The following FAM120C variants were observed in gnomAD, a reference collection of about 807,000 sequenced individuals.
FAM120C encodes the protein family with sequence similarity 120 member C.
A neutral mutation model predicts 71.2 loss-of-function variants in FAM120C; 14 were observed. The ratio of observed to expected loss-of-function variants is 0.20; its 90% confidence interval spans 0.13 to 0.31. The LOEUF (loss-of-function observed/expected upper bound fraction) is 0.31. FAM120C is among the 10% of genes least tolerant of loss of function. FAM120C has a pLI of 1.00. For synonymous variants in FAM120C, 354 were observed against 353.2 expected, an observed-to-expected ratio of 1.00 and a Z score of -0.03; for missense variants, 500 against 879.0, an observed-to-expected ratio of 0.57 and a Z score of 5.45.
intron 13 of FAM120C, among the ~76,000 whole-genome samples, chrX:54,085,132 C>T (rs782288609): frequency 5.4e-5 from 6 of 111,918 alleles, no homozygotes; most frequent in Non-Finnish European, 1.1e-4. Context: ...ATATGACTTA[C>T]GGTTCTCTAA....
At chrX:54,113,254 G>T (rs1406683149) in intron 10 of FAM120C, among the ~76,000 whole-genome samples, 1 of 109,501 alleles carries the variant, frequency 9.1e-6, no homozygotes, top group Admixed American at 9.9e-5. Flanking sequence ...CTGAGGTCAG[G>T]AGTTCAAGAC....
chrX:54,152,240 AATTATT>A (rs1193479518), intron 3 of FAM120C, among the ~76,000 whole-genome samples: 1 of 110,660 alleles, frequency 9.0e-6, no homozygotes, highest in African/African-American at 3.3e-5. Flanking sequence ...TGTTGTCTAT[AATTATT>A]ATTATTTGTT....
chrX:54,107,025 TC>T (rs782246401), intron 10 of FAM120C, among the ~76,000 whole-genome samples: 13 of 111,694 alleles, frequency 1.2e-4, no homozygotes, highest in Non-Finnish European at 1.9e-4. Flanking sequence ...GTTTTTATGT[TC>T]CTGGATCTAG....
chrX:54,079,409 C>T (rs782230812), intron 15 of FAM120C, among the ~76,000 whole-genome samples: 1 of 110,635 alleles, frequency 9.0e-6, no homozygotes, highest in South Asian at 3.8e-4. Context: ...CACTGCACTC[C>T]AGCCTGCCTG....
At chrX:54,181,672 A>G (rs1382941874) in intron 1 of FAM120C, among the ~76,000 whole-genome samples, 2 of 112,062 alleles carry the variant, frequency 1.8e-5, no homozygotes, top group African/African-American at 6.5e-5. Context: ...TTGAAGACCC[A>G]GGTGAGGTCC....
intron 9 of FAM120C, among the ~76,000 whole-genome samples, chrX:54,118,387 G>C (rs1371854060): frequency 9.0e-6 from 1 of 111,057 alleles, no homozygotes; most frequent in African/African-American, 3.3e-5. Context: ...TATCTGGGTT[G>C]CTTCCAGTTT....
intron 1 of FAM120C, among the ~76,000 whole-genome samples, chrX:54,163,394 T>C (rs945858706): frequency 3.6e-5 from 4 of 112,334 alleles, no homozygotes; most frequent in Admixed American, 9.5e-5. Context: ...GAAAACAGAA[T>C]GCTAATGTGA....
At chrX:54,130,974 G>A (rs1390297589) in intron 9 of FAM120C, among the ~76,000 whole-genome samples, 4 of 111,193 alleles carry the variant, frequency 3.6e-5, no homozygotes, top group South Asian at 3.8e-4. Flanking sequence ...GCACCACTGC[G>A]TCATTCCTTG....
At chrX:54,141,440 A>G in intron 4 of FAM120C, among the ~76,000 whole-genome samples, 1 of 111,242 alleles carries the variant, frequency 9.0e-6, no homozygotes, top group Non-Finnish European at 1.9e-5. Flanking sequence ...GCAATTGCCA[A>G]AATACAAACA....
intron 9 of FAM120C, among the ~76,000 whole-genome samples, chrX:54,117,825 C>T (rs1475990571): frequency 8.9e-6 from 1 of 111,825 alleles, no homozygotes; most frequent in African/African-American, 3.2e-5. Flanking sequence ...GAAAGAAGCA[C>T]AAGGAAGAAT....
rs918466019 is a variant in FAM120C, at chrX:54,132,629, C to G, written c.2062+63G>C. ...CCATAGCCAAAGGTACCCAATGTGC[C>G]TGGACAGACATATCTGCTGTGTCAA... On this transcript the variant is annotated intron_variant, in intron 9 of 15. Transcript: ENST00000375180. 11 of 994,962 alleles carry G rather than the reference C, an allele frequency of 1.1e-5. No individual in the cohort carries two copies. In the South Asian group the frequency reaches 2.7e-4, roughly 24 times the overall value. 82.0% of individuals were successfully genotyped at this position (994,962 alleles called of 1,213,427 possible). A position where few individuals can be genotyped will look rare whatever the true frequency, so the allele number is the denominator to read the frequency against.
At chrX:54,118,691 CTTTTTTTCTTTTTTTTTTTTTT>C (rs1395447149) in intron 9 of FAM120C, among the ~76,000 whole-genome samples, 3 of 34,638 alleles carry the variant, frequency 8.7e-5, no homozygotes, top group Admixed American at 3.2e-4. Context: ...TTGTATTTTT[CTTTTTTTCTTTTTTTTTTTTTT>C]TTTTTTTTTT....
chrX:54,168,066 T>C (rs1557135436), intron 1 of FAM120C, among the ~76,000 whole-genome samples: 2 of 111,394 alleles, frequency 1.8e-5, no homozygotes, highest in African/African-American at 6.5e-5. Flanking sequence ...GCTTGCAAAC[T>C]GTGCTTCCCC....
chrX:54,169,214 C>T (rs782204654), intron 1 of FAM120C, among the ~76,000 whole-genome samples: 92 of 111,206 alleles, frequency 8.3e-4, no homozygotes, highest in African/African-American at 2.7e-3. Context: ...GGGAAGATCG[C>T]TTGAGCCCAG....
chrX:54,078,316 G>A (rs999326919), intron 15 of FAM120C, among the ~76,000 whole-genome samples: 19 of 110,717 alleles, frequency 1.7e-4, no homozygotes, highest in Non-Finnish European at 9.4e-5. Flanking sequence ...CCTGAATCGC[G>A]GTGAATTCAC....
chrX:54,156,099 A>T (rs1437847466), intron 3 of FAM120C, among the ~76,000 whole-genome samples: 1 of 110,164 alleles, frequency 9.1e-6, no homozygotes, highest in African/African-American at 3.3e-5. Flanking sequence ...GTAAGAACTC[A>T]TCGAAGTTTT....
At chrX:54,159,776 T>C (rs1557134175) in intron 1 of FAM120C, among the ~76,000 whole-genome samples, 160 bp from the exon 2 acceptor site, 1 of 106,972 alleles carries the variant, frequency 9.3e-6, no homozygotes, top group Non-Finnish European at 1.9e-5. Flanking sequence ...TTTTTTTTTT[T>C]TTTTTAAATA....
chrX:54,097,970 C>T lies in FAM120C; in HGVS notation c.2313-6544G>A, dbSNP rs1468820940. Reference sequence around the variant, plus strand: ...CTCGATCTCCTGGCCTCGTGATCCGCCCGCCTTGGCCTCCCAAAGTGCTGG... The same window carrying T: ...CTCGATCTCCTGGCCTCGTGATCCGTCCGCCTTGGCCTCCCAAAGTGCTGG... On this transcript the variant is annotated intron_variant, in intron 10 of 15. Transcript: ENST00000375180. 4.5e-5 allele frequency among the ~76,000 whole-genome samples: 5 copies of T among 110,874 alleles called. No homozygotes were observed. In the Admixed American group the frequency reaches 4.8e-4, roughly 11 times the overall value.
intron 15 of FAM120C, among the ~76,000 whole-genome samples, chrX:54,079,606 T>A (rs781913148): frequency 8.9e-6 from 1 of 111,931 alleles, no homozygotes; most frequent in South Asian, 3.7e-4. Flanking sequence ...GAGAGCAGCC[T>A]GACTAACATG....
Sources: allele counts gnomAD v4.1 joint callset (sites outside exome capture counted in the v4.1 genomes callset), GRCh38; gene constraint gnomAD v4.1.1; transcripts MANE v1.5; gene names NCBI Gene and HGNC (gene_info 2026-07-23, HGNC 2026-07-21).